RAP1GAP2: variants seen among roughly 807,000 people sequenced by gnomAD.
The protein encoded by RAP1GAP2 is RAP1 GTPase activating protein 2.
RAP1GAP2 carries 27 observed loss-of-function variants against 95.0 expected under a neutral mutation model. The ratio of observed to expected loss-of-function variants is 0.28; its 90% CI spans 0.21 to 0.39. The LOEUF (loss-of-function observed/expected upper bound fraction) is 0.39, where lower values mean the gene tolerates loss of function less well. Among genes scored for constraint, RAP1GAP2 ranks in the 10% least tolerant of loss-of-function variants. The pLI, the probability that RAP1GAP2 is intolerant of heterozygous loss-of-function variation, is 1.00. For synonymous variants in RAP1GAP2, 373 were observed against 380.9 expected, an observed-to-expected ratio of 0.98 and a Z score of 0.24; for missense variants, 771 against 970.0, an observed-to-expected ratio of 0.79 and a Z score of 2.72.
intron 2 of RAP1GAP2, among the ~76,000 whole-genome samples, chr17:2,877,815 C>T (rs1271337534): frequency 6.6e-6 from 1 of 152,094 alleles, no homozygotes; most frequent in East Asian, 1.9e-4. Context: ...TGACAGGAAG[C>T]CATTTCAAGG....
At position 2,871,909 on chromosome 17, in the gene RAP1GAP2, A is replaced by G. The variant is rs4790375; in HGVS notation, c.81-33375A>G. 0.15 allele frequency among the ~76,000 whole-genome samples: 22,733 copies of G among 152,088 alleles called. 2,008 individuals carry two copies. Among genetic ancestry groups the G allele is most frequent in the African/African-American group, 0.24 (9,887 of 41,490 alleles). ...GCTGCCTAAATTATTTCACATTCAT[A>G]CCATGGACTAACTACTTAAAATAGA... On this transcript the variant is annotated intron_variant, in intron 2 of 24. Transcript: ENST00000254695. This position sits in a 1 kb window ranked among gnomAD's most constrained non-coding sequence, Gnocchi z 5.0.
At chr17:2,829,578 C>T (rs181932843) in intron 2 of RAP1GAP2, among the ~76,000 whole-genome samples, 13 of 152,286 alleles carry the variant, frequency 8.5e-5, no homozygotes, top group Non-Finnish European at 1.6e-4. Context: ...TGGCACAGAA[C>T]AGCTGCACAA....
intron 9 of RAP1GAP2, among the ~76,000 whole-genome samples, chr17:2,980,896 A>C (rs1228772482): frequency 6.6e-6 from 1 of 152,152 alleles, no homozygotes; most frequent in Non-Finnish European, 1.5e-5. Flanking sequence ...ATGTCACAGA[A>C]TTGTGCTGGA....
At chr17:2,953,741 G>A (rs887789111) in intron 3 of RAP1GAP2, among the ~76,000 whole-genome samples, 1 of 152,066 alleles carries the variant, frequency 6.6e-6, no homozygotes, top group Non-Finnish European at 1.5e-5. Flanking sequence ...CAGCTACTCC[G>A]GAGGCTGAGG....
intron 3 of RAP1GAP2, among the ~76,000 whole-genome samples, chr17:2,910,169 G>A (rs527411928): frequency 9.7e-4 from 148 of 152,332 alleles, no homozygotes; most frequent in African/African-American, 3.1e-3. Flanking sequence ...TGAGCATAGC[G>A]ACTGTGTCCT....
intron 3 of RAP1GAP2, among the ~76,000 whole-genome samples, chr17:2,926,269 C>T (rs904492986): frequency 6.6e-6 from 1 of 152,198 alleles, no homozygotes; most frequent in Admixed American, 6.6e-5. Flanking sequence ...TTGGCGTGGA[C>T]AGCCCCACCT....
chr17:2,774,457 A>G (rs1305031123), upstream of RAP1GAP2, among the ~76,000 whole-genome samples: 2 of 145,448 alleles, frequency 1.4e-5, no homozygotes, highest in South Asian at 4.3e-4. Flanking sequence ...CTATGGGACT[A>G]TGGGCTGGTC....
rs529570550 is a variant in RAP1GAP2, at chr17:2,941,871, C to T, written c.166-15888C>T. 5.1e-4 allele frequency among the ~76,000 whole-genome samples: 78 copies of T among 152,126 alleles called. 1 individual carries two copies. In the South Asian group the frequency reaches 8.5e-3, roughly 17 times the overall value. On this transcript the variant is annotated intron_variant, in intron 3 of 24. Transcript: ENST00000254695. ...CTAATTTTTGTATTATTAGTAGAGA[C>T]GGGGTTTTACCGTGTTGGTCAGGCT...
intron 2 of RAP1GAP2, among the ~76,000 whole-genome samples, chr17:2,856,695 G>A (rs1047606852): frequency 1.3e-5 from 2 of 152,148 alleles, no homozygotes; most frequent in African/African-American, 4.8e-5. Flanking sequence ...GGGAGGGATT[G>A]GCTGGGACCC....
At chr17:2,893,037 T>C (rs972682579) in intron 2 of RAP1GAP2, among the ~76,000 whole-genome samples, 4 of 151,896 alleles carry the variant, frequency 2.6e-5, no homozygotes, top group Non-Finnish European at 5.9e-5. Context: ...TCTTTTTTCT[T>C]TTTTTTTGAG....
chr17:2,890,845 C>A (rs1213198229), intron 2 of RAP1GAP2, among the ~76,000 whole-genome samples: 1 of 151,806 alleles, frequency 6.6e-6, no homozygotes, highest in Non-Finnish European at 1.5e-5. Context: ...CCACCACGCC[C>A]GGCTAATTTT....
intron 2 of RAP1GAP2, among the ~76,000 whole-genome samples, chr17:2,818,950 G>A (rs945894140): frequency 1.3e-5 from 2 of 152,078 alleles, no homozygotes; most frequent in African/African-American, 2.4e-5. Flanking sequence ...GAGAGGGGAT[G>A]TAGCAGACAC....
At position 2,998,342 on chromosome 17, in the gene RAP1GAP2, T is replaced by C; in HGVS notation, c.1166T>C (p.Val389Ala). 6.2e-7 allele frequency: 1 copy of C among 1,613,956 alleles called. No individual in the cohort carries two copies. Among genetic ancestry groups the C allele is most frequent in the Non-Finnish European group, 8.5e-7 (1 of 1,179,876 alleles). ...NFLHAYIVVQ[V>A]ETPGTETPSY... ...TTACATGCCTACATCGTCGTGCAGG[T>C]CGAGACCCCAGGCACAGAGACCCCA... The change falls in exon 14 of 25, where the codon GTC becomes GCC. Residue 389 changes from valine (V) to alanine (A), a missense_variant. Physicochemically the swap from Val to Ala is moderately conservative, Grantham distance 64. Coordinates refer to ENST00000254695, the MANE Select transcript of RAP1GAP2 (RefSeq NM_015085.5).
chr17:3,023,607 G>A (rs1457446268), intron 19 of RAP1GAP2, among the ~76,000 whole-genome samples: 1 of 152,172 alleles, frequency 6.6e-6, no homozygotes, highest in Non-Finnish European at 1.5e-5. Flanking sequence ...AGTGGTCAGA[G>A]TTACAGGTTT....
At chr17:2,841,776 G>A in intron 2 of RAP1GAP2, among the ~76,000 whole-genome samples, 1 of 152,172 alleles carries the variant, frequency 6.6e-6, no homozygotes, top group East Asian at 1.9e-4. Flanking sequence ...GGAAGTGACT[G>A]ATGTAGCCTC....
intron 2 of RAP1GAP2, among the ~76,000 whole-genome samples, chr17:2,805,411 A>G (rs1015003715): frequency 3.9e-5 from 6 of 152,008 alleles, no homozygotes; most frequent in African/African-American, 1.5e-4. Context: ...GCTGCAGTGC[A>G]GTGGTGCAAT....
intron 17 of RAP1GAP2, among the ~76,000 whole-genome samples, chr17:3,017,085 C>CT (rs1290467005): frequency 6.6e-6 from 1 of 152,158 alleles, no homozygotes; most frequent in African/African-American, 2.4e-5. Context: ...CCTGGGACTT[C>CT]TTTTGTCAGG....
At chr17:2,959,064 G>A (rs1567823672) in intron 4 of RAP1GAP2, among the ~76,000 whole-genome samples, 6 of 152,162 alleles carry the variant, frequency 3.9e-5, no homozygotes, top group Non-Finnish European at 1.5e-5. Flanking sequence ...TCCATTGCTT[G>A]GAGCAAAGCT....
At chr17:3,021,051 A>T (rs1169031987) in intron 19 of RAP1GAP2, among the ~76,000 whole-genome samples, 5 of 152,136 alleles carry the variant, frequency 3.3e-5, no homozygotes, top group African/African-American at 1.2e-4. Context: ...TGATTCTTTT[A>T]AAAAAATGAA....
Sources: allele counts gnomAD v4.1 joint callset (sites outside exome capture counted in the v4.1 genomes callset), GRCh38; gene constraint gnomAD v4.1.1; non-coding constraint Gnocchi (gnomAD v3.1); transcripts MANE v1.5; gene names NCBI Gene and HGNC (gene_info 2026-07-23, HGNC 2026-07-21).